The following CDKAL1 variants were observed in gnomAD, a reference collection of about 807,000 sequenced individuals.
The protein encoded by CDKAL1 is CDKAL1 threonylcarbamoyladenosine tRNA methylthiotransferase.
CDKAL1 carries 32 observed loss-of-function variants against 68.2 expected under a neutral mutation model. The observed-to-expected ratio is 0.47, with a 90% CI of 0.35 to 0.63. The LOEUF (loss-of-function observed/expected upper bound fraction) is 0.63. CDKAL1 is among the 30% of genes least tolerant of loss of function. The probability of loss-of-function intolerance (pLI) is 0.00; values close to 1 mark genes in which losing one functional copy is unlikely to be tolerated. For synonymous variants in CDKAL1, 234 were observed against 244.3 expected (o/e 0.96, Z 0.39); for missense variants, 606 against 696.7 (o/e 0.87, Z 1.47).
intron 10 of CDKAL1, among the ~76,000 whole-genome samples, chr6:20,997,606 T>C (rs74554964): frequency 0.064 from 9,738 of 152,216 alleles, 422 homozygotes; most frequent in East Asian, 0.2. Flanking sequence ...ATTTGTAAAT[T>C]GGCATACTGT....
chr6:21,224,534 CAATAAT>C (rs930692867), intron 15 of CDKAL1, among the ~76,000 whole-genome samples: 8 of 151,840 alleles, frequency 5.3e-5, no homozygotes, highest in African/African-American at 1.7e-4. Flanking sequence ...TAAACAATAA[CAATAAT>C]AATAATAGTA....
At chr6:21,158,150 G>A (rs941348303) in intron 13 of CDKAL1, among the ~76,000 whole-genome samples, 1 of 152,144 alleles carries the variant, frequency 6.6e-6, no homozygotes, top group East Asian at 1.9e-4. Flanking sequence ...TTCTGTTTGT[G>A]AATTGCTGTG....
rs141321966 is a variant in CDKAL1 at position 20,681,901 on chromosome 6, G to A, written c.371+32524G>A. On this transcript the variant is annotated intron_variant, in intron 5 of 15. Transcript: ENST00000274695. Reference sequence around the variant, plus strand: ...ACAGAAATTTAATTCTCACAATACTGGAGGCTGGGAATTCCAAGAATAAGA... The same window carrying A: ...ACAGAAATTTAATTCTCACAATACTAGAGGCTGGGAATTCCAAGAATAAGA... Among the ~76,000 whole-genome samples, 747 of 152,248 alleles carry A rather than the reference G, an allele frequency of 4.9e-3. 5 individuals carry two copies. Among genetic ancestry groups the A allele is most frequent in the African/African-American group, 0.017 (700 of 41,534 alleles).
chr6:20,846,262 C>G (rs1203507772), intron 9 of CDKAL1, 84 bp downstream of exon 9: 2 of 746,444 alleles, frequency 2.7e-6, no homozygotes, highest in African/African-American at 3.6e-5. Flanking sequence ...GTTTAGAGAC[C>G]AACTTCTTTA....
chr6:20,601,695 T>C (rs1457743396), intron 4 of CDKAL1, among the ~76,000 whole-genome samples: 3 of 152,156 alleles, frequency 2.0e-5, no homozygotes, highest in South Asian at 4.1e-4. Context: ...TTTCATTGCA[T>C]TGTAGAATTG....
intron 4 of CDKAL1, among the ~76,000 whole-genome samples, chr6:20,630,528 G>T (rs1274686717): frequency 6.6e-6 from 1 of 151,384 alleles, no homozygotes; most frequent in Non-Finnish European, 1.5e-5. Context: ...TTTTCATGAA[G>T]AGTGGTTAGA....
chr6:21,107,321 T>C (rs1431636001), intron 12 of CDKAL1, among the ~76,000 whole-genome samples: 1 of 152,160 alleles, frequency 6.6e-6, no homozygotes, highest in Non-Finnish European at 1.5e-5. Context: ...ACAGATACAC[T>C]AAGGAGCAGG....
At chr6:21,155,518 C>G (rs1204643145) in intron 13 of CDKAL1, among the ~76,000 whole-genome samples, 1 of 152,200 alleles carries the variant, frequency 6.6e-6, no homozygotes, top group Non-Finnish European at 1.5e-5. Context: ...CATCACCTCC[C>G]ATGGTAGCAC....
intron 4 of CDKAL1, among the ~76,000 whole-genome samples, chr6:20,644,860 A>T (rs1035352730): frequency 5.3e-5 from 8 of 152,200 alleles, no homozygotes; most frequent in African/African-American, 1.9e-4. Context: ...TAAGCACAGG[A>T]ATTTGTTCTG....
chr6:21,226,786 C>T (rs1325114833), intron 15 of CDKAL1, among the ~76,000 whole-genome samples: 3 of 152,210 alleles, frequency 2.0e-5, no homozygotes, highest in African/African-American at 4.8e-5. Context: ...GATCTCGGCT[C>T]ACTGCAAGCT....
chr6:20,754,054 A>C (rs1297221998), intron 6 of CDKAL1, among the ~76,000 whole-genome samples: 1 of 151,736 alleles, frequency 6.6e-6, no homozygotes, highest in Non-Finnish European at 1.5e-5. Context: ...ATCATAGGTC[A>C]CTGTAATTTT....
chr6:20,551,406 C>T (rs989175622), intron 4 of CDKAL1, among the ~76,000 whole-genome samples: 3 of 148,932 alleles, frequency 2.0e-5, no homozygotes, highest in African/African-American at 7.5e-5. Flanking sequence ...CTCGCTCTGT[C>T]ACCCAGGCTG....
chr6:21,040,962 G>A (rs759117336), intron 11 of CDKAL1, among the ~76,000 whole-genome samples: 7 of 152,154 alleles, frequency 4.6e-5, no homozygotes, highest in Non-Finnish European at 1.0e-4. Context: ...GGAGGGACCA[G>A]TAATTGTTGC....
intron 13 of CDKAL1, among the ~76,000 whole-genome samples, chr6:21,124,609 T>A (rs1208411142): frequency 1.3e-5 from 2 of 151,502 alleles, no homozygotes; most frequent in Non-Finnish European, 3.0e-5. Context: ...CCCAGATCTA[T>A]ACCTGTAATT....
intron 4 of CDKAL1, among the ~76,000 whole-genome samples, chr6:20,597,042 TG>T (rs1383787709): frequency 6.6e-6 from 1 of 152,262 alleles, no homozygotes; most frequent in Non-Finnish European, 1.5e-5. Flanking sequence ...ACCCGCCTTC[TG>T]TGTTGATCTG....
chr6:20,768,631 T>G (rs1398156576), intron 7 of CDKAL1, among the ~76,000 whole-genome samples: 1 of 152,104 alleles, frequency 6.6e-6, no homozygotes, highest in Non-Finnish European at 1.5e-5. Flanking sequence ...TCCATTCAGT[T>G]GTAATGCAGT....
intron 10 of CDKAL1, among the ~76,000 whole-genome samples, chr6:20,978,980 T>C (rs563184718): frequency 6.6e-6 from 1 of 152,318 alleles, no homozygotes; most frequent in South Asian, 2.1e-4. Flanking sequence ...GCTCCTATAA[T>C]TTAGTCATAT....
intron 5 of CDKAL1, among the ~76,000 whole-genome samples, chr6:20,729,644 A>T (rs1772816975): frequency 1.3e-5 from 2 of 152,218 alleles, no homozygotes; most frequent in Non-Finnish European, 2.9e-5. Context: ...CTCATGAGGT[A>T]GGAAATTCTA....
intron 5 of CDKAL1, among the ~76,000 whole-genome samples, chr6:20,685,811 A>G (rs1770592781): frequency 6.6e-6 from 1 of 152,210 alleles, no homozygotes; most frequent in African/African-American, 2.4e-5. Context: ...CTGCTCTTGA[A>G]CTTCTGAGTT....
Sources: gnomAD v4.1 joint callset for allele counts (sites outside exome capture counted in the v4.1 genomes callset) on GRCh38, gnomAD v4.1.1 for gene constraint, MANE v1.5 for transcripts, NCBI Gene and HGNC (gene_info 2026-07-23, HGNC 2026-07-21) for gene names.